Variants in SCFD2 observed in about 807,000 individuals in gnomAD.
SCFD2 encodes the protein sec1 family domain containing 2.
Under a neutral mutation model 58.9 loss-of-function variants are expected in SCFD2, and 54 were observed. The observed-to-expected ratio is 0.92, with a 90% CI of 0.74 to 1.15. The LOEUF is 1.15. Among genes scored for constraint, SCFD2 ranks in the 50% most tolerant of loss-of-function variants. The probability of loss-of-function intolerance (pLI) is 0.00; values close to 1 mark genes in which losing one functional copy is unlikely to be tolerated. For missense variants in SCFD2, 805 were observed against 836.6 expected, an observed-to-expected ratio of 0.96 and a Z score of 0.47; for synonymous variants, 321 against 335.9, an observed-to-expected ratio of 0.96 and a Z score of 0.49.
At chr4:53,095,077 C>T (rs1467594237) in intron 5 of SCFD2, among the ~76,000 whole-genome samples, 1 of 152,090 alleles carries the variant, frequency 6.6e-6, no homozygotes. Context: ...TTTCTTTCTT[C>T]TTCCCCTCTA....
intron 4 of SCFD2, among the ~76,000 whole-genome samples, chr4:53,180,453 C>T (rs867775352): frequency 1.2e-4 from 18 of 151,980 alleles, no homozygotes; most frequent in East Asian, 3.9e-4. Flanking sequence ...TTGAAACCAA[C>T]GAGAACAAAG....
intron 4 of SCFD2, among the ~76,000 whole-genome samples, chr4:53,164,494 A>AG (rs1315500684): frequency 1.3e-5 from 2 of 152,148 alleles, no homozygotes; most frequent in African/African-American, 4.8e-5. Context: ...AATACCATCT[A>AG]GAAGTAAGGG....
At position 53,352,732 on chromosome 4, in the gene SCFD2, C is replaced by G. The variant is rs186926647; in HGVS notation, c.873G>C (p.Glu291Asp). 333 of 1,614,142 alleles carry G rather than the reference C, an allele frequency of 2.1e-4. 1 individual carries two copies. The highest frequency in any genetic ancestry group is 3.2e-4 in the Admixed American group (19 of 60,014). ...GCTGGGGAAGTGCTGAAATGATCTT[C>G]TCTACTAAGTTGTCTCCATGATGTC... Reference protein sequence around the residue: ...AVGHHGDNLVEKIISALPQLP... With the variant: ...AVGHHGDNLVDKIISALPQLP... The change falls in exon 2 of 9, where the codon GAG (glutamate) becomes GAC (aspartate). Residue 291 changes from glutamate (E) to aspartate (D), a missense_variant. Glu to Asp is a conservative substitution (Grantham distance 45, BLOSUM62 2). Transcript: ENST00000401642.
At chr4:53,240,317 A>G (rs1729855217) in intron 4 of SCFD2, among the ~76,000 whole-genome samples, 1 of 152,224 alleles carries the variant, frequency 6.6e-6, no homozygotes, top group African/African-American at 2.4e-5. Context: ...AATAGTTTCA[A>G]CTAAAATATG....
intron 5 of SCFD2, among the ~76,000 whole-genome samples, chr4:52,992,336 T>C (rs1721631052): frequency 2.0e-5 from 3 of 152,214 alleles, no homozygotes; most frequent in African/African-American, 7.2e-5. Flanking sequence ...GTGCTCAATG[T>C]TGCCCAGGCT....
chr4:52,882,939 T>C (rs1268846448), intron 8 of SCFD2, among the ~76,000 whole-genome samples: 1 of 152,214 alleles, frequency 6.6e-6, no homozygotes, highest in Non-Finnish European at 1.5e-5. Context: ...GGCTGGATAG[T>C]AAAGCCAGAA....
intron 5 of SCFD2, among the ~76,000 whole-genome samples, chr4:52,954,345 T>A (rs991395877): frequency 6.6e-6 from 1 of 152,154 alleles, no homozygotes; most frequent in Admixed American, 6.5e-5. Flanking sequence ...CATCTTCCCA[T>A]CTTCCTCAAA....
In SCFD2 at chr4:53,122,935, A is replaced by G. The variant is rs150743491; in HGVS notation, c.1561+22398T>C. Among the ~76,000 whole-genome samples the G allele has an allele frequency of 4.7e-3, 716 of 152,026 alleles. 7 individuals carry two copies. The highest frequency in any genetic ancestry group is 0.016 in the African/African-American group (682 of 41,496). On this transcript the variant is annotated intron_variant, in intron 5 of 8. Transcript: ENST00000401642. Reference sequence around the variant, plus strand: ...TTTTATATTATTTTATATTTTTAACATAATAAACTTATGGCTTATTCATAC... The same window carrying G: ...TTTTATATTATTTTATATTTTTAACGTAATAAACTTATGGCTTATTCATAC...
chr4:53,184,430 C>A (rs1056922428), intron 4 of SCFD2, among the ~76,000 whole-genome samples: 4 of 152,046 alleles, frequency 2.6e-5, no homozygotes, highest in Non-Finnish European at 5.9e-5. Flanking sequence ...ACAGCTATTT[C>A]GGACCACAAA....
chr4:52,893,044 T>C (rs528914534), intron 7 of SCFD2, among the ~76,000 whole-genome samples: 5 of 152,310 alleles, frequency 3.3e-5, no homozygotes, highest in Middle Eastern at 3.4e-3. Context: ...TAAACAATGG[T>C]TTCAAATAGT....
chr4:52,914,708 A>G (rs1237258980), intron 6 of SCFD2, among the ~76,000 whole-genome samples: 1 of 152,196 alleles, frequency 6.6e-6, no homozygotes, highest in African/African-American at 2.4e-5. Flanking sequence ...AGAAGAAAAA[A>G]TACTTTAAGG....
intron 5 of SCFD2, among the ~76,000 whole-genome samples, chr4:53,142,730 G>A (rs1225447646): frequency 6.6e-6 from 1 of 152,146 alleles, no homozygotes; most frequent in Non-Finnish European, 1.5e-5. Flanking sequence ...AAACACAAAT[G>A]CTTCTTTTCA....
At chr4:53,045,691 G>A (rs1470935063) in intron 5 of SCFD2, among the ~76,000 whole-genome samples, 1 of 151,908 alleles carries the variant, frequency 6.6e-6, no homozygotes, top group African/African-American at 2.4e-5. Flanking sequence ...ATAACTCTTG[G>A]CATAGATAGA....
intron 5 of SCFD2, among the ~76,000 whole-genome samples, chr4:53,033,135 A>C (rs1327376639): frequency 6.6e-6 from 1 of 152,214 alleles, no homozygotes; most frequent in Non-Finnish European, 1.5e-5. Flanking sequence ...ACCACAGTGC[A>C]ATCAAATTAG....
intron 5 of SCFD2, among the ~76,000 whole-genome samples, chr4:53,030,820 A>G (rs1353119853): frequency 6.6e-6 from 1 of 152,240 alleles, no homozygotes; most frequent in African/African-American, 2.4e-5. Flanking sequence ...GTTGATGGAC[A>G]TATAAAAGCC....
At chr4:53,343,223 A>G (rs936957345) in intron 2 of SCFD2, among the ~76,000 whole-genome samples, 2 of 152,152 alleles carry the variant, frequency 1.3e-5, no homozygotes, top group African/African-American at 4.8e-5. Context: ...CAAGACTAAT[A>G]AAAGAGAGAA....
At chr4:53,010,031 A>G (rs993085781) in intron 5 of SCFD2, among the ~76,000 whole-genome samples, 1 of 152,100 alleles carries the variant, frequency 6.6e-6, no homozygotes, top group Non-Finnish European at 1.5e-5. Context: ...GGCTTGTTTC[A>G]TTTCCTCTCT....
At chr4:53,097,511 C>CTG (rs1187438460) in intron 5 of SCFD2, among the ~76,000 whole-genome samples, 14 of 152,096 alleles carry the variant, frequency 9.2e-5, no homozygotes, top group Non-Finnish European at 1.6e-4. Context: ...ATTTGGCTCT[C>CTG]TTTTTGACTG....
chr4:52,938,502 G>A (rs529873986), intron 5 of SCFD2, among the ~76,000 whole-genome samples: 1 of 152,212 alleles, frequency 6.6e-6, no homozygotes, highest in Admixed American at 6.5e-5. Flanking sequence ...ACAAACCTAC[G>A]AGTTACTTAG....
Sources: allele counts gnomAD v4.1 joint callset (sites outside exome capture counted in the v4.1 genomes callset), GRCh38; gene constraint gnomAD v4.1.1; transcripts MANE v1.5; gene names NCBI Gene and HGNC (gene_info 2026-07-23, HGNC 2026-07-21).